GRM1: variants seen among roughly 807,000 people sequenced by gnomAD.
GRM1 encodes metabotropic glutamate receptor 1.
GRM1 carries 33 observed loss-of-function variants against 90.9 expected under a neutral mutation model. The observed-to-expected ratio is 0.36, with a 90% CI of 0.28 to 0.49. The LOEUF (loss-of-function observed/expected upper bound fraction) is 0.49, where lower values mean the gene tolerates loss of function less well. Ranked by LOEUF, GRM1 falls within the 20% of genes least tolerant of loss-of-function variation. The pLI is 0.99. For missense variants in GRM1, 1,190 were observed against 1,534.3 expected (o/e 0.78, Z 3.75); for synonymous variants, 700 against 613.2 (o/e 1.14, Z -2.09).
intron 5 of GRM1, among the ~76,000 whole-genome samples, chr6:146,377,717 G>A (rs997477837): frequency 2.0e-5 from 3 of 152,184 alleles, no homozygotes; most frequent in African/African-American, 7.2e-5. Context: ...AACAGGCCAT[G>A]TGAGATACCT....
intron 1 of GRM1, among the ~76,000 whole-genome samples, chr6:146,074,175 A>G (rs532096629): frequency 6.6e-6 from 1 of 152,098 alleles, no homozygotes; most frequent in African/African-American, 2.4e-5. Flanking sequence ...GATGGATGAG[A>G]GATATCAAGA....
At chr6:146,392,763 C>CT (rs1407829079) in intron 6 of GRM1, among the ~76,000 whole-genome samples, 1 of 152,146 alleles carries the variant, frequency 6.6e-6, no homozygotes, top group Non-Finnish European at 1.5e-5. Context: ...TCAGCTCTCA[C>CT]TTATGAGTGA....
chr6:146,403,866 C>A (rs1315640059), intron 7 of GRM1, among the ~76,000 whole-genome samples: 1 of 152,046 alleles, frequency 6.6e-6, no homozygotes, highest in Non-Finnish European at 1.5e-5. Context: ...ATAGGGTACA[C>A]TGTAATATTT....
At position 146,267,756 on chromosome 6, in the gene GRM1, GTCTCT is replaced by G. The variant is rs1374422721; in HGVS notation, c.951-36852_951-36848del. 8.2e-3 allele frequency among the ~76,000 whole-genome samples: 1,190 copies of G among 145,490 alleles called. 57 individuals carry two copies. The highest frequency in any genetic ancestry group is 0.053 in the Admixed American group (744 of 14,156). ...GTCTCGTCTCGTCTCGTCTCGTCTCGTCTCTTCATGTTTTTCTGCCTGCTTTATAT... is the reference window on the plus strand; with the variant it reads ...GTCTCGTCTCGTCTCGTCTCGTCTCGTCATGTTTTTCTGCCTGCTTTATAT... On this transcript the variant is annotated intron_variant, in intron 2 of 7. Coordinates refer to ENST00000282753, the MANE Select transcript of GRM1 (RefSeq NM_001278064.2).
chr6:146,434,392 G>T lies in GRM1; in HGVS notation c.3181G>T (p.Gly1061Trp). The T allele has an allele frequency of 6.2e-7, 1 of 1,613,280 alleles. No homozygotes were observed. The highest frequency in any genetic ancestry group is 8.5e-7 in the Non-Finnish European group (1 of 1,179,650). Reference protein sequence around the residue: ...VLAGPGGPGNGLRSLYPPPPP... With the variant: ...VLAGPGGPGNWLRSLYPPPPP... ...GGCAGGCCCCGGTGGTCCCGGGAAC[G>T]GGCTGCGGTCCCTGTACCCGCCCCC... The change falls in exon 8 of 8, where the codon GGG (glycine) becomes TGG (tryptophan). Residue 1061 changes from glycine to tryptophan, a missense_variant. Gly to Trp is a radical substitution (Grantham distance 184). This residue lies in a region of GRM1 where 400 missense variants were observed against 360.8 expected (regional missense o/e 1.11). Transcript: ENST00000282753.
intron 1 of GRM1, among the ~76,000 whole-genome samples, chr6:146,130,564 C>T (rs1776364523): frequency 1.3e-5 from 2 of 152,018 alleles, no homozygotes; most frequent in Non-Finnish European, 2.9e-5. Context: ...ATATGCTTTT[C>T]TTTCACCTCA....
intron 1 of GRM1, among the ~76,000 whole-genome samples, chr6:146,091,992 C>A (rs1776730755): frequency 6.6e-6 from 1 of 152,084 alleles, no homozygotes; most frequent in South Asian, 2.1e-4. Context: ...GTTAACCAGG[C>A]TGTGAATTTT....
At position 146,382,358 on chromosome 6, in the gene GRM1, A is replaced by G. The variant is rs557456939; in HGVS notation, c.1603-4532A>G. 9.2e-5 allele frequency among the ~76,000 whole-genome samples: 14 copies of G among 151,802 alleles called. 1 individual carries two copies. The highest frequency in any genetic ancestry group is 3.4e-4 in the African/African-American group (14 of 41,472). On this transcript the variant is annotated intron_variant, in intron 5 of 7. Transcript: ENST00000282753. ...AAAAAACAACTTGTCTGAATGTAAC[A>G]TATCTCCCCCATATTTGTAAAACAA...
intron 5 of GRM1, among the ~76,000 whole-genome samples, chr6:146,371,342 G>A (rs1230477717): frequency 2.6e-5 from 4 of 151,804 alleles, no homozygotes; most frequent in African/African-American, 9.7e-5. Flanking sequence ...AATTTTTATG[G>A]GTACATAGTA....
chr6:146,247,676 G>A (rs1170667300), intron 2 of GRM1, among the ~76,000 whole-genome samples: 6 of 150,732 alleles, frequency 4.0e-5, no homozygotes, highest in Admixed American at 6.6e-5. Context: ...ATTAGGACCC[G>A]GGAGGTGGAG....
intron 1 of GRM1, among the ~76,000 whole-genome samples, chr6:146,148,445 A>G (rs1378585038): frequency 1.3e-5 from 2 of 152,156 alleles, no homozygotes; most frequent in Non-Finnish European, 2.9e-5. Context: ...CCATGCTGAC[A>G]TTTAAAAATA....
chr6:146,324,193 G>A (rs929219974), intron 3 of GRM1, among the ~76,000 whole-genome samples: 1 of 152,112 alleles, frequency 6.6e-6, no homozygotes, highest in Non-Finnish European at 1.5e-5. Context: ...GTTTACACTG[G>A]GAGGGGAAAA....
At chr6:146,090,549 G>A (rs1776681598) in intron 1 of GRM1, among the ~76,000 whole-genome samples, 1 of 152,032 alleles carries the variant, frequency 6.6e-6, no homozygotes, top group Non-Finnish European at 1.5e-5. Context: ...AGCCTTTATT[G>A]GAGCAAAATA....
At chr6:146,235,845 A>T in intron 2 of GRM1, among the ~76,000 whole-genome samples, 1 of 147,310 alleles carries the variant, frequency 6.8e-6, no homozygotes, top group African/African-American at 2.5e-5. Context: ...CACCTTTTTC[A>T]CTAGAGCCCT....
At chr6:146,305,171 A>G (rs1783530230) in intron 3 of GRM1, among the ~76,000 whole-genome samples, 1 of 151,934 alleles carries the variant, frequency 6.6e-6, no homozygotes, top group African/African-American at 2.4e-5. Context: ...GACCTTAGCC[A>G]TAGACATAAG....
intron 2 of GRM1, among the ~76,000 whole-genome samples, chr6:146,259,241 C>T (rs1781593466): frequency 6.6e-6 from 1 of 152,128 alleles, no homozygotes; most frequent in African/African-American, 2.4e-5. Context: ...GGATGGTGGC[C>T]TGATCTCAGG....
At chr6:146,302,093 C>T (rs1437561700) in intron 2 of GRM1, among the ~76,000 whole-genome samples, 1 of 151,886 alleles carries the variant, frequency 6.6e-6, no homozygotes, top group Non-Finnish European at 1.5e-5. Context: ...GCTATACTAA[C>T]TCTTTCTAAG....
At chr6:146,418,835 T>TA (rs1387118383) in intron 7 of GRM1, among the ~76,000 whole-genome samples, 2 of 152,140 alleles carry the variant, frequency 1.3e-5, no homozygotes, top group Non-Finnish European at 2.9e-5. Context: ...ATCCCTTTTT[T>TA]ATGGCTTAAT....
At chr6:146,078,521 A>T (rs1158750318) in intron 1 of GRM1, among the ~76,000 whole-genome samples, 3 of 152,220 alleles carry the variant, frequency 2.0e-5, no homozygotes, top group Non-Finnish European at 4.4e-5. Flanking sequence ...AAGAAATATT[A>T]AAGAAGATGA....
Sources: gnomAD v4.1 joint callset for allele counts (sites outside exome capture counted in the v4.1 genomes callset) on GRCh38, gnomAD v4.1.1 for gene constraint, gnomAD v4.1.1 regional missense constraint, MANE v1.5 for transcripts, NCBI Gene and HGNC (gene_info 2026-07-23, HGNC 2026-07-21) for gene names.